The following CIROZ variants were observed in gnomAD, a reference collection of about 807,000 sequenced individuals.
CIROZ encodes ciliated left-right organizer ZP-N domains-containing protein.
At chr1:10,972,296 T>C in the CIROZ span, among the ~76,000 whole-genome samples, 1 of 152,200 alleles carries the variant, frequency 6.6e-6, no homozygotes. Context: ...ACTCAGCTGC[T>C]CTGGAAGATG....
the CIROZ span, chr1:10,976,336 T>A: frequency 2.1e-6 from 2 of 931,182 alleles, no homozygotes; most frequent in Non-Finnish European, 3.2e-6. Flanking sequence ...TCATTATATT[T>A]CTTTTTTTTT....
At chr1:10,973,377 A>C in the CIROZ span, among the ~76,000 whole-genome samples, 1 of 152,182 alleles carries the variant, frequency 6.6e-6, no homozygotes, top group African/African-American at 2.4e-5. Flanking sequence ...TGTCTCAAAA[A>C]ATTAAAAACA....
chr1:10,973,282 A>G, the CIROZ span, among the ~76,000 whole-genome samples: 10 of 152,334 alleles, frequency 6.6e-5, no homozygotes, highest in African/African-American at 2.2e-4. Context: ...CTGAGGCAGG[A>G]GCATCGCTTG....
chr1:10,969,196 T>TC, the CIROZ span, among the ~76,000 whole-genome samples: 1 of 151,812 alleles, frequency 6.6e-6, no homozygotes, highest in Non-Finnish European at 1.5e-5. Flanking sequence ...CCTCAATATC[T>TC]CTTTTTCTGT....
At chr1:10,946,967 G>A in the CIROZ span, among the ~76,000 whole-genome samples, 1 of 152,226 alleles carries the variant, frequency 6.6e-6, no homozygotes, top group Non-Finnish European at 1.5e-5. Flanking sequence ...CATCCCCTCT[G>A]CCTGGGCCGG....
At chr1:10,957,482 G>A in the CIROZ span, 11 of 1,362,356 alleles carry the variant, frequency 8.1e-6, no homozygotes, top group Non-Finnish European at 1.1e-5. Flanking sequence ...AATTTTCGAA[G>A]GCGCCTGCCT....
At chr1:10,976,191 G>C in the CIROZ span, 5 of 1,536,888 alleles carry the variant, frequency 3.3e-6, no homozygotes, top group Non-Finnish European at 4.4e-6. Context: ...TGGCTTGTCC[G>C]TGTCTGACCT....
At chr1:10,957,125 T>A in the CIROZ span, 2 of 1,543,466 alleles carry the variant, frequency 1.3e-6, no homozygotes, top group South Asian at 2.4e-5. Context: ...GGAAGGGGGG[T>A]CCCCCCTGAG....
chr1:10,954,938 G>T, the CIROZ span: 1 of 1,528,264 alleles, frequency 6.5e-7, no homozygotes, highest in Non-Finnish European at 8.9e-7. Context: ...GACCAAAGGA[G>T]AAGGGCCTCA....
the CIROZ span, among the ~76,000 whole-genome samples, chr1:10,970,971 C>A: frequency 6.8e-6 from 1 of 147,018 alleles, no homozygotes; most frequent in Non-Finnish European, 1.5e-5. Flanking sequence ...AGCAAGACCC[C>A]CCATCTCTAA....
At chr1:10,949,482 G>T in the CIROZ span, 1 of 957,622 alleles carries the variant, frequency 1.0e-6, no homozygotes, top group Non-Finnish European at 1.6e-6. Flanking sequence ...GAGGTAACAT[G>T]GTTGGGGATC....
chr1:10,969,611 T>C, the CIROZ span, among the ~76,000 whole-genome samples: 8 of 152,194 alleles, frequency 5.3e-5, no homozygotes, highest in East Asian at 1.9e-4. Context: ...CAAATATTTA[T>C]TGGGAATCTT....
chr1:10,957,197 C>T, the CIROZ span: 2 of 1,002,162 alleles, frequency 2.0e-6, no homozygotes, highest in Non-Finnish European at 2.9e-6. Context: ...CTCCTACCTT[C>T]GAATTAGTCT....
the CIROZ span, chr1:10,957,122 G>A: frequency 4.5e-6 from 7 of 1,546,966 alleles, no homozygotes; most frequent in African/African-American, 4.1e-5. Flanking sequence ...GGAGGAAGGG[G>A]GGTCCCCCCT....
chr1:10,969,993 A>G, the CIROZ span: 2 of 1,536,578 alleles, frequency 1.3e-6, no homozygotes, highest in Non-Finnish European at 1.7e-6. Context: ...GGTCCTGGCC[A>G]GCCACCGCCT....
At chr1:10,947,640 C>T in the CIROZ span, 1 of 1,457,238 alleles carries the variant, frequency 6.9e-7, no homozygotes, top group East Asian at 2.4e-5. Flanking sequence ...ACCCAGGACT[C>T]ACCCTGGAGT....
the CIROZ span, among the ~76,000 whole-genome samples, chr1:10,968,360 G>T: frequency 6.6e-6 from 1 of 152,182 alleles, no homozygotes; most frequent in Non-Finnish European, 1.5e-5. Flanking sequence ...ACTCGACTGT[G>T]CATTTGATGG....
chr1:10,975,518 G>A, the CIROZ span, among the ~76,000 whole-genome samples: 270 of 151,592 alleles, frequency 1.8e-3, no homozygotes, highest in South Asian at 4.0e-3. Context: ...GAACCTGGGA[G>A]GTGGAGATTG....
At chr1:10,972,280 C>T in the CIROZ span, among the ~76,000 whole-genome samples, 1 of 152,228 alleles carries the variant, frequency 6.6e-6, no homozygotes. Flanking sequence ...TGGTGCACAT[C>T]TGTAGACTCA....
Sources: gnomAD v4.1 joint callset for allele counts (sites outside exome capture counted in the v4.1 genomes callset) on GRCh38, gnomAD v4.1.1 for gene constraint, MANE v1.5 for transcripts, NCBI Gene and HGNC (gene_info 2026-07-23, HGNC 2026-07-21) for gene names.